The following TSPAN15 variants were observed in gnomAD, a reference collection of about 807,000 sequenced individuals.
The protein encoded by TSPAN15 is tetraspanin-15.
A neutral mutation model predicts 34.5 loss-of-function variants in TSPAN15; 20 were observed. The observed-to-expected ratio is 0.58, with a 90% CI of 0.41 to 0.84. The LOEUF is 0.84. TSPAN15 is among the 40% of genes least tolerant of loss of function. The pLI is 0.00. For synonymous variants in TSPAN15, 155 were observed against 153.9 expected (o/e 1.01, Z -0.05); for missense variants, 313 against 386.1 (o/e 0.81, Z 1.59).
At chr10:69,523,332 C>A in the TSPAN15 span, 6 of 519,370 alleles carry the variant, frequency 1.2e-5, no homozygotes, top group South Asian at 8.1e-5. Flanking sequence ...AAAGCCAGCC[C>A]AAGAGTAGCA....
rs775963879 is a variant in TSPAN15 at position 69,506,970 on chromosome 10, C to T, written c.877C>T (p.Pro293Ser). 6.2e-7 allele frequency: 1 copy of T among 1,608,762 alleles called. No individual in the cohort carries two copies. The highest frequency in any genetic ancestry group is 1.1e-5 in the South Asian group (1 of 89,422). ...AAGTGCCLCY[P>S]N Reference sequence around the variant, plus strand: ...AGGCACGGGATGCTGCTTGTGCTACCCCAATTAGGGCCCAGCCTGCCATGG... The same window carrying T: ...AGGCACGGGATGCTGCTTGTGCTACTCCAATTAGGGCCCAGCCTGCCATGG... The change falls in exon 8 of 8, where the codon CCC (proline) becomes TCC (serine). Residue 293 changes from proline to serine, a missense_variant. Physicochemically the swap from Pro to Ser is moderately conservative, Grantham distance 74. Coordinates refer to ENST00000373290, the MANE Select transcript of TSPAN15 (RefSeq NM_012339.5). This position sits in a 1 kb window ranked among gnomAD's most constrained non-coding sequence, Gnocchi z 4.7.
At chr10:69,465,735 C>A (rs1235681959) in intron 1 of TSPAN15, among the ~76,000 whole-genome samples, 2 of 152,130 alleles carry the variant, frequency 1.3e-5, no homozygotes, top group Non-Finnish European at 2.9e-5. Context: ...TCCTTCCTGG[C>A]CTAGATGTTT....
chr10:69,531,984 A>G, the TSPAN15 span, among the ~76,000 whole-genome samples: 29,666 of 151,546 alleles, frequency 0.2, 3,151 homozygotes, highest in East Asian at 0.29. Flanking sequence ...AACAAAGAAG[A>G]TGAAAGACCT....
chr10:69,504,304 C>A, intron 5 of TSPAN15, 134 bp from the exon 6 acceptor site: 1 of 700,022 alleles, frequency 1.4e-6, no homozygotes, highest in Non-Finnish European at 2.4e-6. Flanking sequence ...CTGCCTGGGT[C>A]GGAATCTCAG....
the TSPAN15 span, among the ~76,000 whole-genome samples, chr10:69,541,645 C>T: frequency 6.6e-6 from 1 of 152,234 alleles, no homozygotes; most frequent in African/African-American, 2.4e-5. Context: ...AGACTTTTGC[C>T]TGGACATCCA....
At chr10:69,495,012 A>T in intron 3 of TSPAN15, 1 of 369,126 alleles carries the variant, frequency 2.7e-6, no homozygotes, top group Non-Finnish European at 3.8e-6. Context: ...TGCTGCAGTG[A>T]TGAGGAGAAC....
rs138180050 is a variant in TSPAN15 at position 69,467,528 on chromosome 10, C to T, written c.96+15838C>T. On this transcript the variant is annotated intron_variant, in intron 1 of 7. Coordinates refer to ENST00000373290, the MANE Select transcript of TSPAN15 (RefSeq NM_012339.5). ...ACTTGGGAGGCTGAGGCAGGAGGAT[C>T]GCTTGAGCCCAAGAGGTTGAGGCTG... Among the ~76,000 whole-genome samples the T allele has an allele frequency of 8.2e-3, 1,246 of 152,172 alleles. 8 individuals carry two copies. Among genetic ancestry groups the T allele is most frequent in the Non-Finnish European group, 0.014 (942 of 68,010 alleles).
chr10:69,462,161 T>TTTTTG (rs1394367566), intron 1 of TSPAN15, among the ~76,000 whole-genome samples: 1,654 of 116,054 alleles, frequency 0.014, 98 homozygotes, highest in Middle Eastern at 0.022. Context: ...TAAAGTTTTT[T>TTTTTG]TTTTTTTTTT....
intron 1 of TSPAN15, among the ~76,000 whole-genome samples, chr10:69,481,822 T>C (rs1440568195): frequency 6.6e-6 from 1 of 152,206 alleles, no homozygotes; most frequent in Non-Finnish European, 1.5e-5. Context: ...TCTGATGACT[T>C]GTCCCTGCCC....
At chr10:69,495,548 C>T (rs1392448381) in intron 3 of TSPAN15, 46 bp from the exon 4 acceptor site, 9 of 1,447,692 alleles carry the variant, frequency 6.2e-6, no homozygotes, top group Admixed American at 3.4e-5. Flanking sequence ...GGTTGGACTC[C>T]GGGAGTGTGT....
chr10:69,548,769 T>G, the TSPAN15 span, among the ~76,000 whole-genome samples: 7 of 152,070 alleles, frequency 4.6e-5, no homozygotes, highest in Non-Finnish European at 1.0e-4. Flanking sequence ...GAAAGGACAA[T>G]TACTTGGGAG....
chr10:69,535,807 G>A, the TSPAN15 span, among the ~76,000 whole-genome samples: 103 of 152,352 alleles, frequency 6.8e-4, no homozygotes, highest in African/African-American at 2.3e-3. Context: ...AGTCCAGAGT[G>A]AGACTTGGAG....
At chr10:69,480,784 G>C (rs1327722936) in intron 1 of TSPAN15, among the ~76,000 whole-genome samples, 1 of 152,046 alleles carries the variant, frequency 6.6e-6, no homozygotes, top group Admixed American at 6.6e-5. Flanking sequence ...TGCAACCTCT[G>C]CCTCCCTGGT....
chr10:69,463,696 G>C (rs547592601), intron 1 of TSPAN15, among the ~76,000 whole-genome samples: 1 of 151,790 alleles, frequency 6.6e-6, no homozygotes, highest in Non-Finnish European at 1.5e-5. Context: ...TATAATCCCA[G>C]TTACTTGGGA....
At chr10:69,498,166 C>A in intron 4 of TSPAN15, 114 bp from the exon 5 acceptor site, 2 of 882,220 alleles carry the variant, frequency 2.3e-6, no homozygotes, top group Non-Finnish European at 3.7e-6. Context: ...CTCTCCCTGC[C>A]CCAGGGTGAC....
chr10:69,541,800 A>T, the TSPAN15 span, among the ~76,000 whole-genome samples: 7 of 152,006 alleles, frequency 4.6e-5, no homozygotes, highest in Non-Finnish European at 8.8e-5. Context: ...CTATACATTG[A>T]CCCCTTTTAG....
At chr10:69,473,675 G>C (rs1231580425) in intron 1 of TSPAN15, among the ~76,000 whole-genome samples, 2 of 152,202 alleles carry the variant, frequency 1.3e-5, no homozygotes, top group Non-Finnish European at 2.9e-5. Flanking sequence ...AGGTCACAAA[G>C]AGTTGATAGC....
At chr10:69,484,851 G>A (rs948983262) in intron 2 of TSPAN15, among the ~76,000 whole-genome samples, 14 of 152,172 alleles carry the variant, frequency 9.2e-5, no homozygotes, top group African/African-American at 3.1e-4. Context: ...TGGTGGTGGG[G>A]GAAGGGCGTG....
At chr10:69,520,399 C>T in the TSPAN15 span, among the ~76,000 whole-genome samples, 1 of 152,318 alleles carries the variant, frequency 6.6e-6, no homozygotes, top group South Asian at 2.1e-4. Flanking sequence ...TGGTGGCTCA[C>T]ACCTGTAATC....
Sources: allele counts gnomAD v4.1 joint callset (sites outside exome capture counted in the v4.1 genomes callset), GRCh38; gene constraint gnomAD v4.1.1; non-coding constraint Gnocchi (gnomAD v3.1); transcripts MANE v1.5; gene names NCBI Gene and HGNC (gene_info 2026-07-23, HGNC 2026-07-21).